Variants in BRSK1 observed in about 807,000 individuals in gnomAD.
BRSK1 encodes serine/threonine-protein kinase BRSK1.
A neutral mutation model predicts 86.2 loss-of-function variants in BRSK1; 17 were observed. The ratio of observed to expected loss-of-function variants is 0.20; its 90% CI spans 0.14 to 0.30. The LOEUF is 0.30. Among genes scored for constraint, BRSK1 ranks in the 10% least tolerant of loss-of-function variants. The pLI is 1.00. For synonymous variants in BRSK1, 464 were observed against 440.1 expected (o/e 1.05, Z -0.68); for missense variants, 719 against 1,071.9 (o/e 0.67, Z 4.60).
chr19:55,312,050 C>T lies in BRSK1; in HGVS notation c.2319C>T (p.Asn773=), dbSNP rs1047163991. 16 of 1,477,338 alleles carry T rather than the reference C, an allele frequency of 1.1e-5. No individual in the cohort carries two copies. Among genetic ancestry groups the T allele is most frequent in the Admixed American group, 5.1e-5 (2 of 39,506 alleles). 91.5% of individuals were successfully genotyped at this position (1,477,338 alleles called of 1,614,324 possible). The change falls in exon 19 of 19, where the codon AAC becomes AAT. Residue 773 remains asparagine, a synonymous_variant. Coordinates refer to ENST00000309383, the MANE Select transcript of BRSK1 (RefSeq NM_032430.2). ...AGGACAAGAAGCTCCTGGCCACCAA[C>T]GGGACCCCTCTGCCCTGACCCCACG... ...PPKDKKLLAT[N]GTPLP is the part of the protein sequence containing the mutation.
chr19:55,284,492 T>TCCCCCCCCCCCC lies in BRSK1; in HGVS notation c.55_56insCCCCCCCCCCCC (p.Pro18_His19insProProProPro). ...GGTGGGGGCTCTCCCGCCTACCACCTCCCCCACCCCCACCCCCACCCACCC... is the reference window on the plus strand; with the variant it reads ...GGTGGGGGCTCTCCCGCCTACCACCTCCCCCCCCCCCCCCCCCACCCCCACCCCCACCCACCC... On this transcript the variant is annotated inframe_insertion, in exon 1 of 19. Transcript: ENST00000309383. 2.6e-5 allele frequency: 20 copies of TCCCCCCCCCCCC among 776,234 alleles called. No homozygotes were observed. The highest frequency in any genetic ancestry group is 3.3e-5 in the Non-Finnish European group (18 of 546,148). 48.1% of individuals were successfully genotyped at this position (776,234 alleles called of 1,614,324 possible).
intron 15 of BRSK1, 28 bp from the exon 16 acceptor site, chr19:55,305,435 C>A (rs776734089): frequency 8.7e-6 from 14 of 1,613,946 alleles, no homozygotes; most frequent in Non-Finnish European, 1.2e-5. Flanking sequence ...CCTTCCTAAC[C>A]CTCCTCCAAC....
At chr19:55,297,179 C>T (rs1600180224) in intron 7 of BRSK1, among the ~76,000 whole-genome samples, 1 of 151,926 alleles carries the variant, frequency 6.6e-6, no homozygotes, top group African/African-American at 2.4e-5. Flanking sequence ...TGGATTCAAG[C>T]GATTCTCCTG....
chr19:55,302,782 C>T lies in BRSK1; in HGVS notation c.943C>T (p.Leu315=). 1 of 1,613,870 alleles carries T rather than the reference C, an allele frequency of 6.2e-7. No homozygotes were observed. Among genetic ancestry groups the T allele is most frequent in the Non-Finnish European group, 8.5e-7 (1 of 1,179,962 alleles). The change falls in exon 10 of 19, where the codon CTG becomes TTG. Residue 315 remains leucine, a synonymous_variant. Transcript: ENST00000309383. This position sits in a 1 kb window ranked among gnomAD's most constrained non-coding sequence, Gnocchi z 6.3. ...GCGGAGCCTGCCATCCAACGGAGAG[C>T]TGGACCCCGACGTCCTAGAGAGCAT... ...AMRSLPSNGE[L]DPDVLESMAS...
chr19:55,301,967 GGGGCGATGCACTCAGTCGCCACTAGA>G, intron 8 of BRSK1, 144 bp from the exon 9 acceptor site: 2 of 888,752 alleles, frequency 2.3e-6, no homozygotes, highest in Non-Finnish European at 3.7e-6. Context: ...GCGCGTGCGC[GGGGCGATGCACTCAGTCGCCACTAGA>G]GGGCGATGTA....
rs1376573604 is a variant in BRSK1 at position 55,303,041 on chromosome 19, A to G, written c.1028+174A>G. ...GAAAACGGCCCAGAAACACGCTGAG[A>G]AAGTATTAATAGATGCTGCGACATA... On this transcript the variant is annotated intron_variant, in intron 10 of 18. Coordinates refer to ENST00000309383, the MANE Select transcript of BRSK1 (RefSeq NM_032430.2). The surrounding 1 kb of genome is among the most constrained non-coding windows in gnomAD (Gnocchi z 5.1). 1.4e-5 allele frequency: 11 copies of G among 776,344 alleles called. No homozygotes were observed. Among genetic ancestry groups the G allele is most frequent in the African/African-American group, 1.8e-5 (1 of 56,912 alleles). The allele number at this position is 776,344 out of a possible 1,614,324, so 48.1% of individuals were successfully genotyped here. A position where few individuals can be genotyped will look rare whatever the true frequency, so the allele number is the denominator to read the frequency against.
At chr19:55,296,241 C>A (rs1293427887) in intron 7 of BRSK1, among the ~76,000 whole-genome samples, 8 of 152,066 alleles carry the variant, frequency 5.3e-5, no homozygotes, top group Non-Finnish European at 1.2e-4. Context: ...TTGCCTAATT[C>A]GTTGAGTGGC....
Position 55,311,936 on chromosome 19 carries a change from G to A in BRSK1, c.2205G>A (p.Arg735=), listed in dbSNP as rs1186929628. 6.2e-7 allele frequency: 1 copy of A among 1,611,308 alleles called. No homozygotes were observed. The highest frequency in any genetic ancestry group is 8.5e-7 in the Non-Finnish European group (1 of 1,179,082). Residue 735 remains arginine (R), a synonymous_variant, in exon 19 of 19, where the codon CGG becomes CGA. Coordinates refer to ENST00000309383, the MANE Select transcript of BRSK1 (RefSeq NM_032430.2). ...LADEKNGAQT[R]PAGAPPRSLQ... ...ACGAGAAGAACGGGGCCCAGACCCG[G>A]CCTGCTGGTGCCCCACCCCGAAGCC...
At chr19:55,291,814 A>G (rs988304220) in intron 4 of BRSK1, among the ~76,000 whole-genome samples, 28 of 152,184 alleles carry the variant, frequency 1.8e-4, no homozygotes, top group Non-Finnish European at 3.5e-4. Flanking sequence ...CCTGGAGTGC[A>G]ATGGCACGAT....
chr19:55,285,416 C>G (rs867549333), intron 1 of BRSK1, among the ~76,000 whole-genome samples: 1 of 152,046 alleles, frequency 6.6e-6, no homozygotes, highest in Non-Finnish European at 1.5e-5. Context: ...AGAGTGGGGC[C>G]GGGCTGGGAC....
Position 55,303,995 on chromosome 19 carries a change from G to A in BRSK1, c.1287-55G>A, listed in dbSNP as rs1331394795. 8 of 1,558,770 alleles carry A rather than the reference G, an allele frequency of 5.1e-6. No individual in the cohort carries two copies. Among genetic ancestry groups the A allele is most frequent in the Non-Finnish European group, 6.9e-6 (8 of 1,154,188 alleles). ...ACTGTAGAAGTGAGGGAACATCTGTGGTTTTTGAAACCCTCCCATCTGATT... is the reference window on the plus strand; with the variant it reads ...ACTGTAGAAGTGAGGGAACATCTGTAGTTTTTGAAACCCTCCCATCTGATT... On this transcript the variant is annotated intron_variant, in intron 12 of 18. Transcript: ENST00000309383. This position sits in a 1 kb window ranked among gnomAD's most constrained non-coding sequence, Gnocchi z 5.1.
chr19:55,291,000 G>C (rs1252212019), intron 4 of BRSK1, among the ~76,000 whole-genome samples: 1 of 75,504 alleles, frequency 1.3e-5, no homozygotes, highest in African/African-American at 6.3e-5. Flanking sequence ...AGGTCACTAA[G>C]GTCTTCTGTA....
At position 55,287,388 on chromosome 19, in the gene BRSK1, C is replaced by G; in HGVS notation, c.317+89C>G. The stretch of plus-strand genomic sequence containing the variant: ...TCTCCAGAAACAGGGCCTAGGGGGA[C>G]CTGGGGGACCTGCAGCTCTCCAGGC... On this transcript the variant is annotated intron_variant, in intron 3 of 18. Coordinates refer to ENST00000309383, the MANE Select transcript of BRSK1 (RefSeq NM_032430.2). This position sits in a 1 kb window ranked among gnomAD's most constrained non-coding sequence, Gnocchi z 5.3. The G allele has an allele frequency of 8.1e-7, 1 of 1,230,808 alleles. No homozygotes were observed. Among genetic ancestry groups the G allele is most frequent in the Admixed American group, 1.8e-5 (1 of 55,802 alleles). 76.2% of individuals were successfully genotyped at this position (1,230,808 alleles called of 1,614,324 possible).
chr19:55,301,985 G>T (rs1157006199), intron 8 of BRSK1, 152 bp from the exon 9 acceptor site: 4 of 971,150 alleles, frequency 4.1e-6, no homozygotes, highest in Non-Finnish European at 6.6e-6. Context: ...GCACTCAGTC[G>T]CCACTAGAGG....
intron 18 of BRSK1, 143 bp from the exon 19 acceptor site, chr19:55,311,768 G>A (rs892170730): frequency 6.0e-6 from 5 of 835,982 alleles, no homozygotes; most frequent in African/African-American, 5.3e-5. Context: ...GGTGCTGGAC[G>A]GACTGGGCCT....
Position 55,302,340 on chromosome 19 carries a change from G to A in BRSK1, c.857+172G>A, listed in dbSNP as rs1287181618. 1.3e-6 allele frequency: 1 copy of A among 786,132 alleles called. No individual in the cohort carries two copies. 48.7% of individuals were successfully genotyped at this position (786,132 alleles called of 1,614,324 possible). Reference sequence around the variant, plus strand: ...GACACAGCTAGAGAAGGAGTCTAGGGGTCAGAGGCAGGAGGGGCTAAGCTA... The same window carrying A: ...GACACAGCTAGAGAAGGAGTCTAGGAGTCAGAGGCAGGAGGGGCTAAGCTA... On this transcript the variant is annotated intron_variant, in intron 9 of 18. Transcript: ENST00000309383. The surrounding 1 kb of genome is among the most constrained non-coding windows in gnomAD (Gnocchi z 6.3).
chr19:55,300,297 C>A (rs898481684), intron 7 of BRSK1, among the ~76,000 whole-genome samples: 3 of 152,140 alleles, frequency 2.0e-5, no homozygotes, highest in African/African-American at 7.2e-5. Context: ...TGTACTAGGT[C>A]AGTTCATTCT....
rs149745649 is a variant in BRSK1 at position 55,307,817 on chromosome 19, G to A, written c.2090-822G>A. Among the ~76,000 whole-genome samples, 706 of 144,320 alleles carry A rather than the reference G, an allele frequency of 4.9e-3. 7 individuals are homozygous for A. Among genetic ancestry groups the A allele is most frequent in the African/African-American group, 0.018 (681 of 38,124 alleles). The allele number at this position is 144,320 out of a possible 152,430, so 94.7% of individuals were successfully genotyped here. A position where few individuals can be genotyped will look rare whatever the true frequency, so the allele number is the denominator to read the frequency against. Reference sequence around the variant, plus strand: ...TAAAAAAAAAAAAAAAGCCCAGCACGGTGGCATGCACCTGTAGTCCCAGCT... The same window carrying A: ...TAAAAAAAAAAAAAAAGCCCAGCACAGTGGCATGCACCTGTAGTCCCAGCT... On this transcript the variant is annotated intron_variant, in intron 17 of 18. Coordinates refer to ENST00000309383, the MANE Select transcript of BRSK1 (RefSeq NM_032430.2).
Position 55,310,344 on chromosome 19 carries a change from G to T in BRSK1, c.2180-1567G>T, listed in dbSNP as rs1161669447. On this transcript the variant is annotated intron_variant, in intron 18 of 18. Coordinates refer to ENST00000309383, the MANE Select transcript of BRSK1 (RefSeq NM_032430.2). This position sits in a 1 kb window ranked among gnomAD's most constrained non-coding sequence, Gnocchi z 5.0. ...TTCCTCCATCTTCAAAGCCAGTGAC[G>T]CCATATATCCCTCTGACTGACCTTA... 2.0e-5 allele frequency among the ~76,000 whole-genome samples: 3 copies of T among 152,074 alleles called. No homozygotes were observed. The highest frequency in any genetic ancestry group is 2.9e-5 in the Non-Finnish European group (2 of 68,024).
Sources: allele counts gnomAD v4.1 joint callset (sites outside exome capture counted in the v4.1 genomes callset), GRCh38; gene constraint gnomAD v4.1.1; non-coding constraint Gnocchi (gnomAD v3.1); transcripts MANE v1.5; gene names NCBI Gene and HGNC (gene_info 2026-07-23, HGNC 2026-07-21).